RNASET2: variants seen among roughly 807,000 people sequenced by gnomAD.
The protein encoded by RNASET2 is ribonuclease 6.
A neutral mutation model predicts 33.9 loss-of-function variants in RNASET2; 28 were observed. That is an observed-to-expected ratio of 0.83 (90% CI 0.61 to 1.13). The LOEUF is 1.13. Among genes scored for constraint, RNASET2 ranks in the 50% most tolerant of loss-of-function variants. The pLI is 0.00. For missense variants in RNASET2, 330 were observed against 319.9 expected (o/e 1.03, Z -0.24); for synonymous variants, 123 against 121.0 (o/e 1.02, Z -0.11).
chr6:166,930,998 C>G, intron 8 of RNASET2, 46 bp downstream of exon 8: 2 of 1,335,952 alleles, frequency 1.5e-6, no homozygotes, highest in Non-Finnish European at 2.2e-6. Flanking sequence ...AAAAGTAGAA[C>G]CTGTCTTCTT....
intron 4 of RNASET2, 153 bp from the exon 5 acceptor site, chr6:166,943,242 A>G (rs1451033155): frequency 4.8e-6 from 3 of 624,460 alleles, no homozygotes; most frequent in Non-Finnish European, 8.6e-6. Flanking sequence ...ATTTTGTATG[A>G]AGTGTTTGTT....
At chr6:166,938,271 A>G (rs1164778029) in intron 6 of RNASET2, among the ~76,000 whole-genome samples, 1 of 152,096 alleles carries the variant, frequency 6.6e-6, no homozygotes, top group Non-Finnish European at 1.5e-5. Context: ...CGGAGAGGTA[A>G]GGGCACACCC....
At chr6:166,932,966 C>T (rs1186539993) in intron 7 of RNASET2, 1 of 152,192 alleles carries the variant, frequency 6.6e-6, no homozygotes, top group African/African-American at 2.4e-5. Flanking sequence ...CCACTGCTCC[C>T]CACACTCTGG....
intron 2 of RNASET2, among the ~76,000 whole-genome samples, chr6:166,951,335 G>A (rs1199972493): frequency 2.6e-5 from 4 of 152,266 alleles, no homozygotes; most frequent in Non-Finnish European, 5.9e-5. Context: ...ACAGCATCAC[G>A]GGGAGATGGT....
intron 1 of RNASET2, 161 bp from the exon 2 acceptor site, chr6:166,952,709 G>A (rs1444089078): frequency 2.0e-5 from 13 of 663,340 alleles, no homozygotes; most frequent in Non-Finnish European, 3.6e-5. Context: ...TGAGGAAGGC[G>A]GTACACCCCT....
intron 6 of RNASET2, among the ~76,000 whole-genome samples, chr6:166,936,455 G>T (rs1185091868): frequency 6.6e-6 from 1 of 152,138 alleles, no homozygotes; most frequent in Non-Finnish European, 1.5e-5. Context: ...TTGGCTCAGG[G>T]GTCTGCAGGC....
At chr6:166,930,275 G>T (rs1463038851) in intron 8 of RNASET2, among the ~76,000 whole-genome samples, 1 of 152,250 alleles carries the variant, frequency 6.6e-6, no homozygotes, top group Non-Finnish European at 1.5e-5. Context: ...AAGAAACCAT[G>T]CTTGCTCACA....
chr6:166,946,000 C>T (rs1418673576), intron 4 of RNASET2, among the ~76,000 whole-genome samples: 1 of 152,152 alleles, frequency 6.6e-6, no homozygotes, highest in African/African-American at 2.4e-5. Context: ...CCCTGGGGTC[C>T]AGGTCCAGTT....
chr6:166,942,058 C>CTTTTTTTTTTTTTTT lies in RNASET2; in HGVS notation c.332+960_332+961insAAAAAAAAAAAAAAA, dbSNP rs61635852. ...AGATCATCATTTTAGAAGACATCTTCTTTTTTTTTTTTGAGATGGAATCTT... is the reference window on the plus strand; with the variant it reads ...AGATCATCATTTTAGAAGACATCTTCTTTTTTTTTTTTTTTTTTTTTTTTTTTGAGATGGAATCTT... On this transcript the variant is annotated intron_variant, in intron 5 of 8. Transcript: ENST00000508775. Among the ~76,000 whole-genome samples, 9 of 127,204 alleles carry CTTTTTTTTTTTTTTT rather than the reference C, an allele frequency of 7.1e-5. No homozygotes were observed. In the South Asian group the frequency reaches 7.6e-4, roughly 11 times the overall value. 83.5% of individuals were successfully genotyped at this position (127,204 alleles called of 152,430 possible). A position where few individuals can be genotyped will look rare whatever the true frequency, so the allele number is the denominator to read the frequency against.
intron 6 of RNASET2, 86 bp downstream of exon 6, chr6:166,938,809 A>ACC: frequency 1.1e-6 from 1 of 915,490 alleles, no homozygotes; most frequent in Non-Finnish European, 1.8e-6. Flanking sequence ...TGAGGTCTAC[A>ACC]CCCACTCCCC....
intron 5 of RNASET2, among the ~76,000 whole-genome samples, chr6:166,940,742 CT>C (rs199738677): frequency 1.0e-4 from 15 of 149,074 alleles, no homozygotes; most frequent in South Asian, 2.1e-4. Context: ...TGGACTGGAC[CT>C]TTTTTTTTTA....
chr6:166,938,262 G>A (rs554617114), intron 6 of RNASET2, among the ~76,000 whole-genome samples: 5 of 152,204 alleles, frequency 3.3e-5, no homozygotes, highest in East Asian at 3.9e-4. Context: ...ACGTCCCGAC[G>A]GAGAGGTAAG....
chr6:166,956,388 G>A lies in RNASET2; in HGVS notation c.-206C>T. 3.4e-6 allele frequency: 2 copies of A among 596,078 alleles called. No homozygotes were observed. Among genetic ancestry groups the A allele is most frequent in the South Asian group, 1.9e-5 (1 of 51,390 alleles). 36.9% of individuals were successfully genotyped at this position (596,078 alleles called of 1,614,324 possible). On this transcript the variant is annotated 5_prime_UTR_variant, in exon 1 of 9. Transcript: ENST00000508775. ...TCGCGGGCCCCGCGCCGGGCTCCGGGAATGGCCGCAGCAGCCCTGGCGACC... is the reference window on the plus strand; with the variant it reads ...TCGCGGGCCCCGCGCCGGGCTCCGGAAATGGCCGCAGCAGCCCTGGCGACC...
chr6:166,928,183 G>T lies in RNASET2; in HGVS notation c.*1405C>A, dbSNP rs1179974860. ...GTCTCAGGCTCTTACTGCAGAGCTT[G>T]TTTCCAGAGGGCCAGAGGCCGTCCT... On this transcript the variant is annotated 3_prime_UTR_variant, in exon 9 of 9. Transcript: ENST00000508775. Among the ~76,000 whole-genome samples, 1 of 152,238 alleles carries T rather than the reference G, an allele frequency of 6.6e-6. No homozygotes were observed. The highest frequency in any genetic ancestry group is 2.4e-5 in the African/African-American group (1 of 41,450).
At chr6:166,950,741 G>A (rs1205627621) in intron 2 of RNASET2, among the ~76,000 whole-genome samples, 5 of 152,226 alleles carry the variant, frequency 3.3e-5, no homozygotes, top group East Asian at 1.9e-4. Context: ...GGAGCAAAAC[G>A]CAGCCAGATG....
chr6:166,929,591 A>G lies in RNASET2; in HGVS notation c.768T>C (p.His256=), dbSNP rs564736798. 16 of 1,614,092 alleles carry G rather than the reference A, an allele frequency of 9.9e-6. No individual in the cohort carries two copies. In the South Asian group the frequency reaches 1.2e-4, roughly 12 times the overall value. ...GAATATTTCCAAAACTTGGGCATCA[A>G]TGCTTGGTCTTTTTAGGTGGGGGAT... is the stretch of plus-strand genomic sequence containing the variant. ...VFYPPPKKTK[H] is the part of the protein sequence containing the mutation. The change falls in exon 9 of 9, where the codon CAT becomes CAC. Residue 256 remains histidine (H), a synonymous_variant. Coordinates refer to ENST00000508775, the MANE Select transcript of RNASET2 (RefSeq NM_003730.6).
intron 5 of RNASET2, among the ~76,000 whole-genome samples, chr6:166,939,701 G>A (rs1778651478): frequency 6.6e-6 from 1 of 152,158 alleles, no homozygotes; most frequent in African/African-American, 2.4e-5. Context: ...TGGAAAGGCA[G>A]GACAGCTAAT....
rs1366650622 is a variant in RNASET2 at position 166,923,424 on chromosome 6, T to C, written c.*6164A>G. ...TAGTAGAGATAGGGTTTCGTCCTGT[T>C]GGCCAGGGTGGTCTTGAACGCTTGA... On this transcript the variant is annotated 3_prime_UTR_variant, in exon 9 of 9. Coordinates refer to ENST00000508775, the MANE Select transcript of RNASET2 (RefSeq NM_003730.6). Among the ~76,000 whole-genome samples, 2 of 152,016 alleles carry C rather than the reference T, an allele frequency of 1.3e-5. No homozygotes were observed. The highest frequency in any genetic ancestry group is 2.9e-5 in the Non-Finnish European group (2 of 68,018).
intron 6 of RNASET2, among the ~76,000 whole-genome samples, chr6:166,937,975 C>T (rs1032057307): frequency 1.3e-5 from 2 of 152,268 alleles, no homozygotes; most frequent in East Asian, 1.9e-4. Context: ...CGATTTTGTA[C>T]GTTGAGGAGG....
Sources: gnomAD v4.1 joint callset for allele counts (sites outside exome capture counted in the v4.1 genomes callset) on GRCh38, gnomAD v4.1.1 for gene constraint, MANE v1.5 for transcripts, NCBI Gene and HGNC (gene_info 2026-07-23, HGNC 2026-07-21) for gene names.